The following SPTAN1 variants were observed in gnomAD, a reference collection of about 807,000 sequenced individuals.
SPTAN1 encodes the protein spectrin alpha chain, non-erythrocytic 1.
SPTAN1 carries 61 observed loss-of-function variants against 331.3 expected under a neutral mutation model. The ratio of observed to expected loss-of-function variants is 0.18; its 90% CI spans 0.15 to 0.23. SPTAN1 has a LOEUF of 0.23. Among genes scored for constraint, SPTAN1 ranks in the 10% least tolerant of loss-of-function variants. The pLI is 1.00. For synonymous variants in SPTAN1, 1,153 were observed against 1,173.9 expected (o/e 0.98, Z 0.36); for missense variants, 2,043 against 3,147.9 (o/e 0.65, Z 8.40).
intron 20 of SPTAN1, among the ~76,000 whole-genome samples, chr9:128,588,206 C>T (rs529000922): frequency 2.6e-5 from 4 of 151,780 alleles, no homozygotes; most frequent in South Asian, 2.1e-4. Context: ...CTATGTTGGC[C>T]GGGCTGGTCT....
chr9:128,608,049 G>GGT lies in SPTAN1; in HGVS notation c.4344+8_4344+9dup, dbSNP rs1246823290. 1 of 1,614,038 alleles carries GGT rather than the reference G, an allele frequency of 6.2e-7. No homozygotes were observed. The highest frequency in any genetic ancestry group is 1.1e-5 in the South Asian group (1 of 91,090). ...TGCTGGATCAGTGCCTTGAACTGCA[G>GGT]GTGTGTGTGCTCCTGGTTTCTGACC... On this transcript the variant is annotated frameshift_variant and splice_region_variant. Transcript: ENST00000372739. LOFTEE classifies it high-confidence loss of function.
chr9:128,578,274 G>A (rs372260439), intron 9 of SPTAN1, 29 bp downstream of exon 9: 4 of 1,613,020 alleles, frequency 2.5e-6, no homozygotes, highest in Admixed American at 3.3e-5. Flanking sequence ...TCTTCCAGAA[G>A]TGAAGATTTT....
chr9:128,628,828 C>G, intron 51 of SPTAN1: 1 of 306,684 alleles, frequency 3.3e-6, no homozygotes, highest in Non-Finnish European at 6.0e-6. Context: ...CGTAGGACAC[C>G]CTGGCCACCT....
Position 128,594,326 on chromosome 9 carries a change from T to C in SPTAN1, c.3367T>C (p.Leu1123=). 2 of 1,614,102 alleles carry C rather than the reference T, an allele frequency of 1.2e-6. No individual in the cohort carries two copies. The highest frequency in any genetic ancestry group is 1.7e-6 in the Non-Finnish European group (2 of 1,180,020). Residue 1123 remains leucine, a synonymous_variant, in exon 24 of 57, where the codon TTG becomes CTG. Transcript: ENST00000372739. ...GACAAGTGAGGAGGTCGGAGCAGAC[T>C]TGGAGCAGGTTGAGGTGCTCCAGAA... The part of the protein sequence containing the change: ...ALTSEEVGAD[L]EQVEVLQKKF...
intron 1 of SPTAN1, among the ~76,000 whole-genome samples, chr9:128,556,505 C>T (rs529693203): frequency 6.6e-6 from 1 of 152,286 alleles, no homozygotes; most frequent in Non-Finnish European, 1.5e-5. Flanking sequence ...AAATACCTCT[C>T]ATCTGAATTT....
chr9:128,583,661 T>C, intron 15 of SPTAN1, 127 bp from the exon 16 acceptor site: 1 of 1,024,110 alleles, frequency 9.8e-7, no homozygotes, highest in Non-Finnish European at 1.5e-6. Context: ...TCTTTCTCTT[T>C]GTGACATAAG....
chr9:128,581,096 A>G (rs1244992542), intron 11 of SPTAN1, 37 bp downstream of exon 11: 2 of 1,612,906 alleles, frequency 1.2e-6, no homozygotes, highest in African/African-American at 1.3e-5. Context: ...TGGTGGGAGA[A>G]GAAGGGCCTG....
chr9:128,586,637 C>T (rs1852675177), intron 19 of SPTAN1, among the ~76,000 whole-genome samples: 1 of 152,166 alleles, frequency 6.6e-6, no homozygotes, highest in South Asian at 2.1e-4. Context: ...ATGTACATAC[C>T]AGTGCGCACA....
chr9:128,584,310 C>A lies in SPTAN1; in HGVS notation c.2222C>A (p.Ala741Asp), dbSNP rs756685826. ...QDRIDGITIQ[A>D]RQFQDAGHFD... ...CGAATTGATGGCATCACCATTCAGG[C>A]CCGCCAGTTCCAAGATGCTGGCCAT... Residue 741 changes from alanine to aspartate, a missense_variant, in exon 17 of 57, where the codon GCC becomes GAC. Around this residue, in one of 12 missense-constraint regions of SPTAN1, gnomAD observed 1,038 missense variants for 1,531.5 expected, o/e 0.68. Transcript: ENST00000372739. 2.5e-6 allele frequency: 4 copies of A among 1,614,080 alleles called. No individual in the cohort carries two copies. The African/African-American group carries it at 4.0e-5, about 16-fold the overall frequency.
chr9:128,621,438 A>G (rs760137388), intron 45 of SPTAN1, among the ~76,000 whole-genome samples, 182 bp downstream of exon 45: 7 of 152,216 alleles, frequency 4.6e-5, no homozygotes, highest in Non-Finnish European at 7.3e-5. Context: ...TTTTGAAGCC[A>G]GTAAAGTTAT....
At chr9:128,553,709 A>T (rs1321902016) in intron 1 of SPTAN1, among the ~76,000 whole-genome samples, 2 of 152,248 alleles carry the variant, frequency 1.3e-5, no homozygotes, top group East Asian at 3.8e-4. Flanking sequence ...TCCAACATCT[A>T]ATCAGATCTC....
In SPTAN1 at chr9:128,630,341, C is replaced by G. The variant is rs769859369; in HGVS notation, c.6728C>G (p.Ser2243Trp). The change falls in exon 52 of 57, where the codon TCG becomes TGG. Residue 2243 changes from serine to tryptophan, a missense_variant. Physicochemically the swap from Ser to Trp is radical, Grantham distance 177. This residue lies in a region of SPTAN1 where 256 missense variants were observed against 376.4 expected (regional missense o/e 0.68). Coordinates refer to ENST00000372739, the MANE Select transcript of SPTAN1 (RefSeq NM_001130438.3). ...TTTAGGTCCTGTATGGTGGAAGAGT[C>G]GGGGACCCTCGAATCCCAGCTTGAA... is the stretch of plus-strand genomic sequence containing the variant. ...LLDGSCMVEE[S>W]GTLESQLEAT... The G allele has an allele frequency of 6.2e-7, 1 of 1,612,854 alleles. No homozygotes were observed. Among genetic ancestry groups the G allele is most frequent in the Non-Finnish European group, 8.5e-7 (1 of 1,180,002 alleles).
chr9:128,564,819 A>G (rs1467207374), intron 1 of SPTAN1, among the ~76,000 whole-genome samples: 1 of 152,240 alleles, frequency 6.6e-6, no homozygotes, highest in East Asian at 1.9e-4. Flanking sequence ...AAGAAGAGTC[A>G]TAGGACATTC....
At chr9:128,567,615 A>G (rs1435716524) in intron 2 of SPTAN1, among the ~76,000 whole-genome samples, 1 of 151,814 alleles carries the variant, frequency 6.6e-6, no homozygotes, top group Non-Finnish European at 1.5e-5. Context: ...GGAAGGCATA[A>G]TAGTGATGTT....
chr9:128,624,765 A>G, intron 46 of SPTAN1: 1 of 564,042 alleles, frequency 1.8e-6, no homozygotes, highest in Non-Finnish European at 3.2e-6. Flanking sequence ...GGCATGAACA[A>G]AGTTGGCACA....
intron 19 of SPTAN1, 145 bp downstream of exon 19, chr9:128,586,110 TGG>T (rs140128721): frequency 3.4e-6 from 2 of 587,926 alleles, no homozygotes; most frequent in Non-Finnish European, 5.8e-6. Context: ...ATTTTTCACT[TGG>T]TTTTTTTTTT....
chr9:128,598,722 T>G, intron 25 of SPTAN1: 1 of 645,948 alleles, frequency 1.5e-6, no homozygotes, highest in East Asian at 2.7e-5. Flanking sequence ...GGCTTCTGTC[T>G]TCTCCGTAAG....
At chr9:128,573,228 A>T (rs1850929549) in intron 3 of SPTAN1, among the ~76,000 whole-genome samples, 1 of 152,154 alleles carries the variant, frequency 6.6e-6, no homozygotes, top group Admixed American at 6.6e-5. Context: ...GCTTGAATTG[A>T]TTACTAATTT....
At chr9:128,598,872 C>A (rs1189661997) in intron 25 of SPTAN1, 91 bp from the exon 26 acceptor site, 1 of 1,165,186 alleles carries the variant, frequency 8.6e-7, no homozygotes, top group Non-Finnish European at 1.3e-6. Flanking sequence ...TTGGAATTAT[C>A]TCCTGTGTTT....
Sources: allele counts gnomAD v4.1 joint callset (sites outside exome capture counted in the v4.1 genomes callset), GRCh38; gene constraint gnomAD v4.1.1; regional missense constraint gnomAD v4.1.1; transcripts MANE v1.5; gene names NCBI Gene and HGNC (gene_info 2026-07-23, HGNC 2026-07-21).